MSRA: variants seen among roughly 807,000 people sequenced by gnomAD.
MSRA encodes the protein mitochondrial peptide methionine sulfoxide reductase.
A neutral mutation model predicts 31.3 loss-of-function variants in MSRA; 54 were observed. That is an observed-to-expected ratio of 1.73 (90% CI 1.39 to 2.17). The LOEUF is 2.17. MSRA is among the 30% of genes most tolerant of loss of function. The pLI, the probability that MSRA is intolerant of heterozygous loss-of-function variation, is 0.00. For synonymous variants in MSRA, 169 were observed against 116.5 expected (o/e 1.45, Z -2.90); for missense variants, 507 against 300.9 (o/e 1.69, Z -5.07).
At chr8:10,309,304 C>A (rs979271925) in intron 4 of MSRA, among the ~76,000 whole-genome samples, 1 of 152,250 alleles carries the variant, frequency 6.6e-6, no homozygotes, top group Non-Finnish European at 1.5e-5. Context: ...AGTGTCGGGG[C>A]GCACACGGGC....
rs1481016078 is a variant in MSRA, at chr8:10,411,249, A to T, written c.544-16899A>T. The T allele has an allele frequency of 2.6e-5, 4 of 152,316 alleles. No homozygotes were observed. The East Asian group carries it at 7.7e-4, about 29-fold the overall frequency. 9.4% of individuals were successfully genotyped at this position (152,316 alleles called of 1,614,324 possible). A position where few individuals can be genotyped will look rare whatever the true frequency, so the allele number is the denominator to read the frequency against. On this transcript the variant is annotated intron_variant, in intron 5 of 5. Transcript: ENST00000317173. ...CTATCACCTGCAGCTTTGAGACGTC[A>T]CGCTGACAGTATCACAGGAAAACAG...
chr8:10,367,211 G>A (rs767530824), intron 5 of MSRA, among the ~76,000 whole-genome samples: 1 of 152,180 alleles, frequency 6.6e-6, no homozygotes, highest in African/African-American at 2.4e-5. Flanking sequence ...AGACATCTTG[G>A]TGATCAGATC....
chr8:10,250,398 A>G (rs1411792890), intron 3 of MSRA: 1 of 702,046 alleles, frequency 1.4e-6, no homozygotes, highest in Non-Finnish European at 2.6e-6. Flanking sequence ...TCACTGGGTA[A>G]TATCTTTTCA....
chr8:10,270,426 A>C (rs577993918), intron 3 of MSRA, among the ~76,000 whole-genome samples: 1 of 149,714 alleles, frequency 6.7e-6, no homozygotes, highest in Non-Finnish European at 1.5e-5. Flanking sequence ...AAAAAAAACT[A>C]TCCTCTACTA....
At chr8:10,358,127 C>G (rs1393911313) in intron 5 of MSRA, among the ~76,000 whole-genome samples, 1 of 152,084 alleles carries the variant, frequency 6.6e-6, no homozygotes, top group Non-Finnish European at 1.5e-5. Context: ...CGGGGTTTCA[C>G]CATGTTGGCC....
At chr8:10,238,457 T>G (rs972421091) in intron 2 of MSRA, among the ~76,000 whole-genome samples, 3 of 152,274 alleles carry the variant, frequency 2.0e-5, no homozygotes, top group African/African-American at 7.2e-5. Flanking sequence ...TCTTGTTTGC[T>G]TTGTTCACTC....
At chr8:10,258,087 G>T (rs1173517173) in intron 3 of MSRA, among the ~76,000 whole-genome samples, 2 of 152,158 alleles carry the variant, frequency 1.3e-5, no homozygotes, top group Admixed American at 6.5e-5. Context: ...ACAGCTGGGG[G>T]ATAGGGAGGG....
chr8:10,343,081 G>T (rs1803543128), intron 5 of MSRA, among the ~76,000 whole-genome samples: 1 of 148,200 alleles, frequency 6.7e-6, no homozygotes, highest in South Asian at 2.1e-4. Flanking sequence ...ACACATTTTA[G>T]CTTCCCAGCT....
chr8:10,325,721 G>T (rs904102308), intron 5 of MSRA, among the ~76,000 whole-genome samples: 5 of 152,194 alleles, frequency 3.3e-5, no homozygotes, highest in Non-Finnish European at 5.9e-5. Flanking sequence ...ACCTTAAAAA[G>T]TTATGTGGTT....
rs185551880 is a variant in MSRA, at chr8:10,057,714, C to T, written c.142+3056C>T. ...ATTATTTAAAAGTGTGTAGCTTGCC[C>T]CTTTGCGCTCTCTCGTTCTCTCCTG... On this transcript the variant is annotated intron_variant, in intron 1 of 5. Coordinates refer to ENST00000317173, the MANE Select transcript of MSRA (RefSeq NM_012331.5). 1.5e-3 allele frequency among the ~76,000 whole-genome samples: 235 copies of T among 152,172 alleles called. 2 individuals are homozygous for T. Among genetic ancestry groups the T allele is most frequent in the African/African-American group, 4.3e-3 (179 of 41,502 alleles).
At chr8:10,065,632 G>C (rs537215939) in intron 1 of MSRA, among the ~76,000 whole-genome samples, 5 of 152,320 alleles carry the variant, frequency 3.3e-5, no homozygotes, top group African/African-American at 9.6e-5. Flanking sequence ...ACTCAAGCCT[G>C]AACTATTTTT....
At chr8:10,324,255 T>A (rs1802232045) in intron 5 of MSRA, among the ~76,000 whole-genome samples, 1 of 152,184 alleles carries the variant, frequency 6.6e-6, no homozygotes, top group Non-Finnish European at 1.5e-5. Flanking sequence ...ACATTTATAT[T>A]TAAGTGGCCA....
Position 10,245,196 on chromosome 8 carries a change from A to G in MSRA, c.304A>G (p.Asn102Asp). The G allele has an allele frequency of 1.1e-5, 18 of 1,613,580 alleles. No individual in the cohort carries two copies. The highest frequency in any genetic ancestry group is 1.5e-5 in the Non-Finnish European group (18 of 1,179,734). ...QVGFAGGYTS[N>D]PTYKEVCSEK... ...TGGTTTTGCAGGAGGCTATACTTCA[A>G]ATCCTACTTATAAAGAAGTCTGCTC... Residue 102 changes from asparagine to aspartate, a missense_variant, in exon 3 of 6, where the codon AAT (asparagine) becomes GAT (aspartate). Transcript: ENST00000317173.
intron 5 of MSRA, among the ~76,000 whole-genome samples, chr8:10,423,623 G>A (rs1374162968): frequency 6.6e-6 from 1 of 152,172 alleles, no homozygotes; most frequent in Non-Finnish European, 1.5e-5. Context: ...AAGAGCAAAT[G>A]GGCTTTTTCA....
chr8:10,156,080 G>A (rs778614429), intron 1 of MSRA, among the ~76,000 whole-genome samples: 3 of 152,186 alleles, frequency 2.0e-5, no homozygotes, highest in African/African-American at 4.8e-5. Flanking sequence ...CCCCTGGGAA[G>A]AGTGGCTTCG....
chr8:10,116,369 C>T (rs988902364), intron 1 of MSRA, among the ~76,000 whole-genome samples: 3 of 152,178 alleles, frequency 2.0e-5, no homozygotes, highest in African/African-American at 4.8e-5. Flanking sequence ...ACCCCCTGGA[C>T]TATAGTATTA....
At chr8:10,086,730 T>A (rs1251963282) in intron 1 of MSRA, among the ~76,000 whole-genome samples, 4 of 136,218 alleles carry the variant, frequency 2.9e-5, no homozygotes, top group African/African-American at 1.4e-4. Flanking sequence ...ATTTCACACA[T>A]AGCAGGTACT....
At chr8:10,309,439 C>G (rs1423448287) in intron 4 of MSRA, among the ~76,000 whole-genome samples, 1 of 152,218 alleles carries the variant, frequency 6.6e-6, no homozygotes, top group Non-Finnish European at 1.5e-5. Context: ...TTGTCTTGTT[C>G]TTTCGTGAAT....
Position 10,339,531 on chromosome 8 carries a change from C to CTTTTT in MSRA, c.543+19564_543+19568dup, listed in dbSNP as rs774034241. On this transcript the variant is annotated intron_variant, in intron 5 of 5. Transcript: ENST00000317173. ...GTTAAGCAAGGGGTTTTCTTTCTTT[C>CTTTTT]TTTTTTTTTTTTTTTTTTTTTTTTT... Among the ~76,000 whole-genome samples the CTTTTT allele has an allele frequency of 2.6e-3, 186 of 72,790 alleles. 6 individuals carry two copies. Among genetic ancestry groups the CTTTTT allele is most frequent in the Middle Eastern group, 9.6e-3 (1 of 104 alleles). 47.8% of individuals were successfully genotyped at this position (72,790 alleles called of 152,430 possible). A position where few individuals can be genotyped will look rare whatever the true frequency, so the allele number is the denominator to read the frequency against.
Sources: allele counts gnomAD v4.1 joint callset (sites outside exome capture counted in the v4.1 genomes callset), GRCh38; gene constraint gnomAD v4.1.1; transcripts MANE v1.5; gene names NCBI Gene and HGNC (gene_info 2026-07-23, HGNC 2026-07-21).